GNG2: variants seen among roughly 807,000 people sequenced by gnomAD.
The protein encoded by GNG2 is G protein subunit gamma 2.
Under a neutral mutation model 5.5 loss-of-function variants are expected in GNG2, and 5 were observed. The ratio of observed to expected loss-of-function variants is 0.91; its 90% CI spans 0.48 to 1.92. The LOEUF (loss-of-function observed/expected upper bound fraction) is 1.92. Ranked by LOEUF, GNG2 falls within the 30% of genes most tolerant of loss-of-function variation. The pLI is 0.01. For synonymous variants in GNG2, 28 were observed against 32.0 expected (o/e 0.88, Z 0.42); for missense variants, 55 against 88.4 (o/e 0.62, Z 1.52).
At chr14:51,959,226 T>C (rs1325992838) in intron 3 of GNG2, among the ~76,000 whole-genome samples, 1 of 152,118 alleles carries the variant, frequency 6.6e-6, no homozygotes, top group African/African-American at 2.4e-5. Flanking sequence ...AGGACCTTGA[T>C]TACCAAATTT....
At chr14:51,875,367 A>C (rs1019066331) in intron 1 of GNG2, among the ~76,000 whole-genome samples, 1 of 152,230 alleles carries the variant, frequency 6.6e-6, no homozygotes, top group African/African-American at 2.4e-5. Flanking sequence ...GTACCATTGA[A>C]TTTTGTCACA....
upstream of GNG2, among the ~76,000 whole-genome samples, chr14:51,856,260 A>AT (rs1299209461): frequency 1.3e-5 from 2 of 151,982 alleles, no homozygotes; most frequent in Admixed American, 1.3e-4. Context: ...TTGCAGAGAG[A>AT]TTAAAGAGTT....
intron 2 of GNG2, among the ~76,000 whole-genome samples, chr14:51,932,074 G>A (rs373895837): frequency 3.9e-4 from 59 of 151,778 alleles, no homozygotes; most frequent in African/African-American, 1.4e-3. Context: ...GTGAAACCCC[G>A]TCTCTACTAA....
intron 2 of GNG2, among the ~76,000 whole-genome samples, chr14:51,879,432 T>G (rs1426816369): frequency 2.0e-5 from 3 of 152,234 alleles, no homozygotes; most frequent in Non-Finnish European, 4.4e-5. Flanking sequence ...GAACAGCAAC[T>G]GTGATTAAAG....
intron 2 of GNG2, among the ~76,000 whole-genome samples, chr14:51,843,684 A>G (rs150417224): frequency 4.6e-5 from 7 of 152,116 alleles, no homozygotes; most frequent in African/African-American, 1.7e-4. Flanking sequence ...AGTCTTTCCA[A>G]CATGCAAACC....
chr14:51,845,109 G>GT (rs926774691), intron 2 of GNG2, among the ~76,000 whole-genome samples: 2 of 152,004 alleles, frequency 1.3e-5, no homozygotes, highest in Non-Finnish European at 2.9e-5. Flanking sequence ...ATTGTGAATT[G>GT]TTTTTTTTCT....
At chr14:51,911,062 T>C (rs1382719516) in intron 2 of GNG2, among the ~76,000 whole-genome samples, 1 of 152,218 alleles carries the variant, frequency 6.6e-6, no homozygotes, top group African/African-American at 2.4e-5. Context: ...ACTGTGCTCC[T>C]AGCTCAGAAT....
At chr14:51,958,363 G>C (rs1187582809) in intron 3 of GNG2, among the ~76,000 whole-genome samples, 1 of 124,000 alleles carries the variant, frequency 8.1e-6, no homozygotes, top group Non-Finnish European at 1.8e-5. Context: ...CTGAAGTGTT[G>C]CTGCCCCCCA....
At chr14:51,894,340 T>C (rs1885052062) in intron 2 of GNG2, among the ~76,000 whole-genome samples, 1 of 152,028 alleles carries the variant, frequency 6.6e-6, no homozygotes. Flanking sequence ...AATATAAAAA[T>C]AAATAGCTTC....
At chr14:51,856,463 T>C (rs1882163396), upstream of GNG2, among the ~76,000 whole-genome samples, 1 of 152,226 alleles carries the variant, frequency 6.6e-6, no homozygotes. Flanking sequence ...AGACGGAGTC[T>C]TGCTCTGTTG....
rs150267976 is a variant in GNG2 at position 51,911,746 on chromosome 14, C to T, written c.-30+34089C>T. Among the ~76,000 whole-genome samples, 299 of 145,842 alleles carry T rather than the reference C, an allele frequency of 2.1e-3. 34 individuals carry two copies. Among genetic ancestry groups the T allele is most frequent in the African/African-American group, 6.8e-3 (264 of 38,572 alleles). On this transcript the variant is annotated intron_variant, in intron 2 of 3. Transcript: ENST00000556766. ...AAACATTTATAGAGACAGGGTCTCACTATATTTCCCAGACCGGTCTCCAAA... is the reference window on the plus strand; with the variant it reads ...AAACATTTATAGAGACAGGGTCTCATTATATTTCCCAGACCGGTCTCCAAA...
intron 1 of GNG2, among the ~76,000 whole-genome samples, chr14:51,870,469 T>C (rs948679261): frequency 3.3e-5 from 5 of 152,218 alleles, no homozygotes; most frequent in African/African-American, 4.8e-5. Context: ...AATATATATA[T>C]AATTAAATTG....
chr14:51,917,878 T>C (rs1471483888), intron 2 of GNG2, among the ~76,000 whole-genome samples: 2 of 151,812 alleles, frequency 1.3e-5, no homozygotes, highest in Non-Finnish European at 2.9e-5. Context: ...ACACAAAAAT[T>C]AGCCGGGCAT....
chr14:51,887,473 A>C (rs1884544715), intron 2 of GNG2, among the ~76,000 whole-genome samples: 1 of 152,322 alleles, frequency 6.6e-6, no homozygotes, highest in South Asian at 2.1e-4. Context: ...AAAATGAATA[A>C]ATCCACTGAA....
At chr14:51,917,482 G>A (rs1173992319) in intron 2 of GNG2, 1 of 448,196 alleles carries the variant, frequency 2.2e-6, no homozygotes, top group African/African-American at 2.0e-5. Flanking sequence ...TTAGCCTAGT[G>A]CAGAGTTTAT....
intron 2 of GNG2, among the ~76,000 whole-genome samples, chr14:51,839,469 C>T (rs1486202221): frequency 6.6e-6 from 1 of 152,168 alleles, no homozygotes; most frequent in East Asian, 1.9e-4. Context: ...GTCTTAGTAG[C>T]TATCTTTTTT....
At chr14:51,877,778 T>C (rs1883773826) in intron 2 of GNG2, 121 bp downstream of exon 2, 2 of 323,430 alleles carry the variant, frequency 6.2e-6, no homozygotes, top group South Asian at 2.5e-5. Flanking sequence ...GAAACAGTCA[T>C]AGAGTCCTTA....
At chr14:51,901,879 T>C (rs776261069) in intron 2 of GNG2, among the ~76,000 whole-genome samples, 1 of 151,232 alleles carries the variant, frequency 6.6e-6, no homozygotes, top group African/African-American at 2.4e-5. Flanking sequence ...AGTGAAGTTA[T>C]TGATGTGGTT....
intron 2 of GNG2, among the ~76,000 whole-genome samples, chr14:51,836,434 T>A (rs1209892363): frequency 6.6e-6 from 1 of 152,182 alleles, no homozygotes; most frequent in Non-Finnish European, 1.5e-5. Flanking sequence ...GTATTCTATA[T>A]GCAACATAAG....
Sources: gnomAD v4.1 joint callset for allele counts (sites outside exome capture counted in the v4.1 genomes callset) on GRCh38, gnomAD v4.1.1 for gene constraint, MANE v1.5 for transcripts, NCBI Gene and HGNC (gene_info 2026-07-23, HGNC 2026-07-21) for gene names.